The following TAFA1 variants were observed in gnomAD, a reference collection of about 807,000 sequenced individuals.
The protein encoded by TAFA1 is chemokine-like protein TAFA-1.
A neutral mutation model predicts 18.5 loss-of-function variants in TAFA1; 4 were observed. The observed-to-expected ratio is 0.22, with a 90% CI of 0.11 to 0.49. TAFA1 has a LOEUF of 0.49. Ranked by LOEUF, TAFA1 falls within the 20% of genes least tolerant of loss-of-function variation. TAFA1 has a pLI of 0.98. For synonymous variants in TAFA1, 56 were observed against 55.2 expected (o/e 1.01, Z -0.06); for missense variants, 147 against 169.0 (o/e 0.87, Z 0.72).
At chr3:68,055,884 C>G (rs1478847581) in intron 2 of TAFA1, among the ~76,000 whole-genome samples, 1 of 152,040 alleles carries the variant, frequency 6.6e-6, no homozygotes, top group African/African-American at 2.4e-5. Context: ...CGATTTTCAG[C>G]CTGATCTTTT....
intron 2 of TAFA1, among the ~76,000 whole-genome samples, chr3:68,339,112 G>A (rs2069034384): frequency 1.3e-5 from 2 of 152,226 alleles, no homozygotes; most frequent in Non-Finnish European, 2.9e-5. Context: ...TCAGTGTGAT[G>A]AGAAGTGTGG....
intron 2 of TAFA1, among the ~76,000 whole-genome samples, chr3:68,083,794 AT>A (rs201006209): frequency 1.5e-4 from 23 of 149,134 alleles, no homozygotes; most frequent in East Asian, 3.9e-4. Flanking sequence ...CAGCCTTGAT[AT>A]TTTTTTTTTC....
chr3:68,199,205 G>T (rs533518839), intron 2 of TAFA1, among the ~76,000 whole-genome samples: 1 of 151,558 alleles, frequency 6.6e-6, no homozygotes, highest in Admixed American at 6.6e-5. Context: ...TCTGTTCTGT[G>T]TCAATGATTT....
intron 2 of TAFA1, among the ~76,000 whole-genome samples, chr3:68,074,571 A>G (rs1445525083): frequency 1.3e-5 from 2 of 152,226 alleles, no homozygotes; most frequent in Non-Finnish European, 2.9e-5. Flanking sequence ...ACTAAAATGA[A>G]AAAGAAAAAA....
In TAFA1 at chr3:68,336,033, G is replaced by A. The variant is rs189746190; in HGVS notation, c.119-81247G>A. Among the ~76,000 whole-genome samples the A allele has an allele frequency of 3.5e-4, 53 of 152,272 alleles. No homozygotes were observed. In the East Asian group the frequency reaches 0.01, roughly 29 times the overall value. ...AGAAAGAGGCGAGCCTTGGAGCCTG[G>A]CAAACCTGGGCTTGAAGCCCAGCAC... On this transcript the variant is annotated intron_variant, in intron 2 of 4. Coordinates refer to ENST00000478136, the MANE Select transcript of TAFA1 (RefSeq NM_213609.4).
At chr3:68,287,237 A>G (rs1379489509) in intron 2 of TAFA1, among the ~76,000 whole-genome samples, 3 of 152,170 alleles carry the variant, frequency 2.0e-5, no homozygotes, top group African/African-American at 7.2e-5. Flanking sequence ...CACAAGCCAA[A>G]GTGGAATATA....
intron 2 of TAFA1, among the ~76,000 whole-genome samples, chr3:68,120,201 CTTT>C (rs2065377300): frequency 3.1e-5 from 3 of 95,828 alleles, no homozygotes; most frequent in Non-Finnish European, 6.1e-5. Flanking sequence ...TTCTTTCTTT[CTTT>C]CTTTCTTTCT....
chr3:68,305,303 C>A (rs1055431346), intron 2 of TAFA1, among the ~76,000 whole-genome samples: 1 of 149,894 alleles, frequency 6.7e-6, no homozygotes, highest in African/African-American at 2.5e-5. Flanking sequence ...ATGACCTCAT[C>A]TTAATGCAAT....
intron 2 of TAFA1, among the ~76,000 whole-genome samples, chr3:68,067,322 C>G (rs1349475428): frequency 6.6e-6 from 1 of 152,154 alleles, no homozygotes; most frequent in Admixed American, 6.5e-5. Flanking sequence ...ATTCCTTCAT[C>G]ATTTTTTCAT....
At chr3:68,286,881 C>CT (rs2107268065) in intron 2 of TAFA1, among the ~76,000 whole-genome samples, 1 of 152,298 alleles carries the variant, frequency 6.6e-6, no homozygotes, top group Non-Finnish European at 1.5e-5. Flanking sequence ...AGGAGACCAC[C>CT]TCAACAGGAC....
chr3:68,009,939 A>G (rs1373043130), intron 2 of TAFA1, among the ~76,000 whole-genome samples: 37 of 151,020 alleles, frequency 2.5e-4, no homozygotes, highest in Admixed American at 2.4e-3. Context: ...TGCTGGATAA[A>G]TGAGCAAAAA....
chr3:68,178,711 A>G (rs1269854079), intron 2 of TAFA1, among the ~76,000 whole-genome samples: 5 of 152,240 alleles, frequency 3.3e-5, no homozygotes, highest in Non-Finnish European at 7.3e-5. Flanking sequence ...CAAGGAAGGT[A>G]AGGTAGAATA....
At chr3:68,514,729 A>AAC (rs398082172) in intron 3 of TAFA1, among the ~76,000 whole-genome samples, 3 of 151,670 alleles carry the variant, frequency 2.0e-5, no homozygotes, top group Non-Finnish European at 4.4e-5. Flanking sequence ...GAAAAAAAAA[A>AAC]ACGTTTTTTC....
intron 2 of TAFA1, among the ~76,000 whole-genome samples, chr3:68,347,491 A>G (rs549652613): frequency 6.6e-6 from 1 of 152,272 alleles, no homozygotes; most frequent in East Asian, 1.9e-4. Context: ...GGATTTATTT[A>G]TTTATTTCAT....
chr3:68,326,446 C>G (rs1417149821), intron 2 of TAFA1, among the ~76,000 whole-genome samples: 1 of 152,122 alleles, frequency 6.6e-6, no homozygotes, highest in Non-Finnish European at 1.5e-5. Context: ...ATATCTGTGC[C>G]TCATTGGTAT....
intron 4 of TAFA1, among the ~76,000 whole-genome samples, chr3:68,539,175 T>C (rs2073324075): frequency 6.6e-6 from 1 of 152,178 alleles, no homozygotes; most frequent in Admixed American, 6.5e-5. Context: ...TCATCCAACA[T>C]TTATAATGCT....
At chr3:68,289,836 G>C (rs1216533355) in intron 2 of TAFA1, among the ~76,000 whole-genome samples, 1 of 152,182 alleles carries the variant, frequency 6.6e-6, no homozygotes, top group African/African-American at 2.4e-5. Flanking sequence ...CAAGAGATTT[G>C]TGGAGCAAAC....
chr3:68,011,426 A>T (rs978260235), intron 2 of TAFA1, among the ~76,000 whole-genome samples: 1 of 152,172 alleles, frequency 6.6e-6, no homozygotes, highest in Admixed American at 6.5e-5. Context: ...TGTTAGATAT[A>T]TTCATTTTTG....
the TAFA1 span, among the ~76,000 whole-genome samples, chr3:67,996,208 G>C: frequency 8.5e-5 from 13 of 152,164 alleles, no homozygotes; most frequent in Non-Finnish European, 1.3e-4. Context: ...GAATTAGTGA[G>C]AAAAGACCAG....
Sources: allele counts gnomAD v4.1 joint callset (sites outside exome capture counted in the v4.1 genomes callset), GRCh38; gene constraint gnomAD v4.1.1; transcripts MANE v1.5; gene names NCBI Gene and HGNC (gene_info 2026-07-23, HGNC 2026-07-21).